ZBED6: variants seen among roughly 807,000 people sequenced by gnomAD.
The protein encoded by ZBED6 is zinc finger BED-type containing 6, also known as zinc finger BED domain-containing protein 6.
A neutral mutation model predicts 58.4 loss-of-function variants in ZBED6; 40 were observed. That is an observed-to-expected ratio of 0.68 (90% CI 0.53 to 0.89). The LOEUF is 0.89. Among genes scored for constraint, ZBED6 ranks in the 40% least tolerant of loss-of-function variants. The pLI, the probability that ZBED6 is intolerant of heterozygous loss-of-function variation, is 0.00. For missense variants in ZBED6, 1,057 were observed against 1,003.9 expected, an observed-to-expected ratio of 1.05 and a Z score of -0.71; for synonymous variants, 439 against 350.6, an observed-to-expected ratio of 1.25 and a Z score of -2.82.
At chr1:203,832,641 G>A (rs1404941492) in intron 8 of ZBED6, among the ~76,000 whole-genome samples, 1 of 152,138 alleles carries the variant, frequency 6.6e-6, no homozygotes, top group African/African-American at 2.4e-5. Context: ...GATTATAGGT[G>A]TTAGCCACCA....
At chr1:203,839,237 G>A (rs1187217471) in intron 10 of ZBED6, among the ~76,000 whole-genome samples, 2 of 152,212 alleles carry the variant, frequency 1.3e-5, no homozygotes, top group African/African-American at 4.8e-5. Context: ...TAAAGACAAG[G>A]TTTCACAGTG....
At chr1:203,853,574 G>C (rs1233447731) in exon 17 of ZBED6, 1 of 152,642 alleles carries the variant, frequency 6.6e-6, no homozygotes, top group Non-Finnish European at 1.5e-5. Context: ...GGAAGAGGAA[G>C]GAAGGACTTA....
intron 15 of ZBED6, 24 bp downstream of exon 15, chr1:203,850,705 G>C (rs1206694646): frequency 6.2e-7 from 1 of 1,607,232 alleles, no homozygotes; most frequent in Non-Finnish European, 8.5e-7. Context: ...TCACTTTGTG[G>C]TGCTTTATTC....
At chr1:203,835,064 A>G (rs576503915) in intron 9 of ZBED6, among the ~76,000 whole-genome samples, 1 of 152,348 alleles carries the variant, frequency 6.6e-6, no homozygotes, top group Non-Finnish European at 1.5e-5. Flanking sequence ...AGTTCTCACT[A>G]CCCTATCTTC....
chr1:203,796,215 G>A (rs1418345026), exon 1 of ZBED6: 6 of 390,480 alleles, frequency 1.5e-5, no homozygotes, highest in Non-Finnish European at 2.7e-5. Context: ...AGTTTCTCTA[G>A]TTGAGCGGAC....
intron 3 of ZBED6, among the ~76,000 whole-genome samples, chr1:203,824,347 G>C (rs1679792567): frequency 6.6e-6 from 1 of 151,892 alleles, no homozygotes; most frequent in South Asian, 2.1e-4. Flanking sequence ...AAAATCTCTG[G>C]AAGTATAAAG....
At chr1:203,841,151 T>A (rs562898031) in intron 11 of ZBED6, among the ~76,000 whole-genome samples, 56 of 136,952 alleles carry the variant, frequency 4.1e-4, no homozygotes, top group Non-Finnish European at 8.3e-4. Context: ...TCTTTTTTTT[T>A]TTTTTATTTT....
At chr1:203,825,999 C>G (rs12065275) in intron 3 of ZBED6, among the ~76,000 whole-genome samples, 19,933 of 152,058 alleles carry the variant, frequency 0.13, 1,487 homozygotes, top group Non-Finnish European at 0.15. Context: ...GATACTGTTA[C>G]AGAAGTCATT....
At chr1:203,828,236 ACTGCCACATGAATATACGTAT>A in intron 3 of ZBED6, 42 bp from the exon 4 acceptor site, 1 of 1,596,692 alleles carries the variant, frequency 6.3e-7, no homozygotes, top group Non-Finnish European at 8.6e-7. Context: ...TAGAAAACAA[ACTGCCACATGAATATACGTAT>A]CACTGTTTTA....
chr1:203,825,967 CAT>C (rs1454460267), intron 3 of ZBED6, among the ~76,000 whole-genome samples: 1 of 152,122 alleles, frequency 6.6e-6, no homozygotes, highest in Non-Finnish European at 1.5e-5. Context: ...AAATAAATGT[CAT>C]GTGACTTCTG....
chr1:203,804,798 A>G (rs575471538), intron 1 of ZBED6, among the ~76,000 whole-genome samples: 1 of 150,514 alleles, frequency 6.6e-6, no homozygotes, highest in East Asian at 2.0e-4. Flanking sequence ...TCAGCCTCCC[A>G]AGTAGCTGAG....
At chr1:203,841,591 C>A (rs1686224895) in intron 11 of ZBED6, among the ~76,000 whole-genome samples, 1 of 152,244 alleles carries the variant, frequency 6.6e-6, no homozygotes, top group South Asian at 2.1e-4. Context: ...ATCTCTCTTT[C>A]TTTTCCCCAC....
At chr1:203,798,694 T>G (rs6697388) in exon 1 of ZBED6, 210,215 of 1,535,978 alleles carry the variant, frequency 0.14, 15,314 homozygotes, top group Non-Finnish European at 0.15. Flanking sequence ...CAAGGCACTC[T>G]GATGCGTGCG....
intron 8 of ZBED6, among the ~76,000 whole-genome samples, chr1:203,833,517 C>T (rs1683148742): frequency 6.6e-6 from 1 of 151,376 alleles, no homozygotes; most frequent in Admixed American, 6.6e-5. Context: ...AGTGACAGAG[C>T]AAGAGTCTAT....
At chr1:203,833,385 C>CA (rs1558128102) in intron 8 of ZBED6, among the ~76,000 whole-genome samples, 1 of 122,102 alleles carries the variant, frequency 8.2e-6, no homozygotes. Context: ...AAAAAAAAAA[C>CA]ACCAGGTGTG....
chr1:203,825,555 C>T (rs1013292417), intron 3 of ZBED6, among the ~76,000 whole-genome samples: 1 of 151,668 alleles, frequency 6.6e-6, no homozygotes, highest in Non-Finnish European at 1.5e-5. Context: ...CTGTCTCAGC[C>T]TCCCGCATAG....
At chr1:203,797,792 A>G (rs1490610810) in exon 1 of ZBED6, 5 of 1,535,912 alleles carry the variant, frequency 3.3e-6, no homozygotes, top group South Asian at 1.2e-5. Flanking sequence ...AGGATTTGGG[A>G]TCTGGGAGGC....
intron 13 of ZBED6, 100 bp from the exon 14 acceptor site, chr1:203,849,611 A>C: frequency 5.4e-6 from 6 of 1,104,654 alleles, no homozygotes; most frequent in Non-Finnish European, 5.3e-6. Context: ...ATTCTGGATC[A>C]TGTGAGATTC....
chr1:203,797,455 G>C, exon 1 of ZBED6: 1 of 1,371,640 alleles, frequency 7.3e-7, no homozygotes, highest in Admixed American at 3.0e-5. Flanking sequence ...GAGAGGAACA[G>C]CTGTATTTCT....
Sources: gnomAD v4.1 joint callset for allele counts (sites outside exome capture counted in the v4.1 genomes callset) on GRCh38, gnomAD v4.1.1 for gene constraint, MANE v1.5 for transcripts, NCBI Gene and HGNC (gene_info 2026-07-23, HGNC 2026-07-21) for gene names.